Variants in EPHB2 observed in about 807,000 individuals in gnomAD.
EPHB2 encodes ephrin type-B receptor 2.
EPHB2 carries 18 observed loss-of-function variants against 96.4 expected under a neutral mutation model. The observed-to-expected ratio is 0.19, with a 90% CI of 0.13 to 0.28. The LOEUF (loss-of-function observed/expected upper bound fraction) is 0.28, where lower values mean the gene tolerates loss of function less well. EPHB2 is among the 10% of genes least tolerant of loss of function. The pLI, the probability that EPHB2 is intolerant of heterozygous loss-of-function variation, is 1.00. For synonymous variants in EPHB2, 506 were observed against 534.1 expected (o/e 0.95, Z 0.72); for missense variants, 989 against 1,355.4 (o/e 0.73, Z 4.25).
At chr1:22,751,318 G>A (rs144374176) in intron 1 of EPHB2, among the ~76,000 whole-genome samples, 2 of 152,294 alleles carry the variant, frequency 1.3e-5, no homozygotes, top group African/African-American at 2.4e-5. Context: ...CTGATGGGGC[G>A]CCAGGTGGCA....
chr1:22,909,288 A>G (rs751630844), intron 13 of EPHB2, 117 bp downstream of exon 13: 9 of 1,519,406 alleles, frequency 5.9e-6, no homozygotes, highest in Non-Finnish European at 8.1e-6. Flanking sequence ...TTCTGAGATC[A>G]TGGGCCTGGC....
intron 3 of EPHB2, among the ~76,000 whole-genome samples, chr1:22,797,258 T>C (rs1644779496): frequency 6.6e-6 from 1 of 152,116 alleles, no homozygotes; most frequent in Admixed American, 6.5e-5. Context: ...TTCATTCCAC[T>C]AAAACAGCTC....
intron 15 of EPHB2, chr1:22,912,825 C>G: frequency 1.7e-6 from 1 of 593,422 alleles, no homozygotes; most frequent in Non-Finnish European, 3.1e-6. Flanking sequence ...CCTCCCTCAG[C>G]CTCCGTTTTC....
chr1:22,717,423 G>T (rs1643322326), intron 1 of EPHB2, among the ~76,000 whole-genome samples: 2 of 152,182 alleles, frequency 1.3e-5, no homozygotes, highest in Admixed American at 1.3e-4. Flanking sequence ...CTGGGGGCTT[G>T]CCTAGGACAC....
chr1:22,803,747 A>G (rs187628576), intron 3 of EPHB2, among the ~76,000 whole-genome samples: 2,274 of 148,610 alleles, frequency 0.015, 64 homozygotes, highest in African/African-American at 0.054. Flanking sequence ...GTGTGTGTAT[A>G]TATATATATA....
intron 3 of EPHB2, among the ~76,000 whole-genome samples, chr1:22,837,737 T>C (rs550657985): frequency 4.6e-5 from 7 of 152,100 alleles, no homozygotes; most frequent in Admixed American, 3.9e-4. Flanking sequence ...CCAGAATTCT[T>C]AGCAACAGAC....
chr1:22,806,924 C>G (rs960746751), intron 3 of EPHB2, among the ~76,000 whole-genome samples: 1 of 151,990 alleles, frequency 6.6e-6, no homozygotes, highest in Non-Finnish European at 1.5e-5. Context: ...TCCCCAGAGA[C>G]ACACAGAGGT....
At chr1:22,907,030 G>C (rs541070749) in intron 11 of EPHB2, 73 bp downstream of exon 11, 6 of 1,509,018 alleles carry the variant, frequency 4.0e-6, no homozygotes, top group African/African-American at 2.8e-5. Context: ...GCTTCATACT[G>C]TCAGAGCCTG....
At chr1:22,753,091 T>C (rs1644090754) in intron 1 of EPHB2, among the ~76,000 whole-genome samples, 1 of 152,108 alleles carries the variant, frequency 6.6e-6, no homozygotes, top group South Asian at 2.1e-4. Context: ...CAGGCTGATA[T>C]TTTGTTTCCC....
chr1:22,889,486 C>G (rs988218524), intron 6 of EPHB2, among the ~76,000 whole-genome samples: 2 of 152,134 alleles, frequency 1.3e-5, no homozygotes, highest in Non-Finnish European at 2.9e-5. Flanking sequence ...TTCATTATGT[C>G]AATAATTAGT....
chr1:22,732,602 C>T (rs72879172), intron 1 of EPHB2, among the ~76,000 whole-genome samples: 560 of 152,272 alleles, frequency 3.7e-3, no homozygotes, highest in African/African-American at 0.012. Context: ...TTTTGTGCCT[C>T]TGCTGAAGGG....
chr1:22,916,551 T>G lies in EPHB2; in HGVS notation c.*2981T>G, dbSNP rs1640275402. ...GGGCAGTCGCCCCGCCCCAACCTCTTGCTTGCTGCTCAGCGGGGAGTGGCA... is the reference window on the plus strand; with the variant it reads ...GGGCAGTCGCCCCGCCCCAACCTCTGGCTTGCTGCTCAGCGGGGAGTGGCA... On this transcript the variant is annotated 3_prime_UTR_variant, in exon 16 of 16. Transcript: ENST00000374630. This position sits in a 1 kb window ranked among gnomAD's most constrained non-coding sequence, Gnocchi z 4.2. 1 of 102,726 alleles carries G rather than the reference T, an allele frequency of 9.7e-6. No individual in the cohort carries two copies. Among genetic ancestry groups the G allele is most frequent in the South Asian group, 3.3e-4 (1 of 3,060 alleles). The allele number at this position is 102,726 out of a possible 1,614,324, so 6.4% of individuals were successfully genotyped here.
chr1:22,856,999 A>G (rs971239317), intron 3 of EPHB2, among the ~76,000 whole-genome samples: 4 of 152,168 alleles, frequency 2.6e-5, no homozygotes, highest in African/African-American at 9.7e-5. Flanking sequence ...AACACCTACC[A>G]TGTGCCAAGT....
intron 3 of EPHB2, among the ~76,000 whole-genome samples, chr1:22,807,484 T>G (rs902734511): frequency 8.5e-5 from 13 of 152,186 alleles, no homozygotes; most frequent in Non-Finnish European, 1.8e-4. Context: ...GCATACTGGT[T>G]GGATCTACGC....
At chr1:22,829,356 T>G (rs1645269840) in intron 3 of EPHB2, among the ~76,000 whole-genome samples, 1 of 152,248 alleles carries the variant, frequency 6.6e-6, no homozygotes, top group South Asian at 2.1e-4. Context: ...AATGTGTGTC[T>G]TAGGGGCCCA....
In EPHB2 at chr1:22,906,892, A is replaced by G. The variant is rs747571749; in HGVS notation, c.2071A>G (p.Lys691Glu). 2.3e-5 allele frequency: 37 copies of G among 1,614,090 alleles called. No homozygotes were observed. The highest frequency in any genetic ancestry group is 3.1e-5 in the Non-Finnish European group (36 of 1,180,040). ...CATCCACCTGGAGGGTGTCGTGACC[A>G]AGAGCACACCTGTGATGATCATCAC... ...NVIHLEGVVT[K>E]STPVMIITEF... Residue 691 changes from lysine to glutamate, a missense_variant, in exon 11 of 16, where the codon AAG becomes GAG. Coordinates refer to ENST00000374630, the MANE Select transcript of EPHB2 (RefSeq NM_017449.5). The surrounding 1 kb of genome is among the most constrained non-coding windows in gnomAD (Gnocchi z 4.8).
intron 3 of EPHB2, among the ~76,000 whole-genome samples, chr1:22,854,964 A>G (rs1007280475): frequency 3.9e-5 from 6 of 152,140 alleles, no homozygotes; most frequent in Admixed American, 2.6e-4. Context: ...CCTGCCCTAC[A>G]CATGGCACAA....
At chr1:22,831,210 TGGTGATGGGCATTGAGTGA>T (rs932387564) in intron 3 of EPHB2, among the ~76,000 whole-genome samples, 3 of 152,032 alleles carry the variant, frequency 2.0e-5, no homozygotes, top group African/African-American at 7.2e-5. Flanking sequence ...GCTGCAGGGA[TGGTGATGGGCATTGAGTGA>T]GGTGATTTAT....
At chr1:22,816,004 G>A (rs1004929000) in intron 3 of EPHB2, among the ~76,000 whole-genome samples, 6 of 152,110 alleles carry the variant, frequency 3.9e-5, no homozygotes, top group East Asian at 3.9e-4. Flanking sequence ...TACCATTCAC[G>A]TGCTGTGTCA....
Sources: allele counts gnomAD v4.1 joint callset (sites outside exome capture counted in the v4.1 genomes callset), GRCh38; gene constraint gnomAD v4.1.1; non-coding constraint Gnocchi (gnomAD v3.1); transcripts MANE v1.5; gene names NCBI Gene and HGNC (gene_info 2026-07-23, HGNC 2026-07-21).